The following EPHA6 variants were observed in gnomAD, a reference collection of about 807,000 sequenced individuals.
The protein encoded by EPHA6 is ephrin type-A receptor 6.
Under a neutral mutation model 112.0 loss-of-function variants are expected in EPHA6, and 50 were observed. That is an observed-to-expected ratio of 0.45 (90% confidence interval 0.36 to 0.56). EPHA6 has a LOEUF of 0.56. Ranked by LOEUF, EPHA6 falls within the 20% of genes least tolerant of loss-of-function variation. The pLI is 0.00. For missense variants in EPHA6, 1,280 were observed against 1,417.4 expected, an observed-to-expected ratio of 0.90 and a Z score of 1.56; for synonymous variants, 529 against 490.7, an observed-to-expected ratio of 1.08 and a Z score of -1.03.
chr3:96,941,445 T>C (rs1047747747), intron 2 of EPHA6, among the ~76,000 whole-genome samples: 5 of 152,234 alleles, frequency 3.3e-5, no homozygotes, highest in Non-Finnish European at 5.9e-5. Flanking sequence ...GGCTTTCAGC[T>C]CCATCAGCTC....
chr3:97,098,863 G>A (rs1216169431), intron 3 of EPHA6, among the ~76,000 whole-genome samples: 1 of 151,706 alleles, frequency 6.6e-6, no homozygotes, highest in Admixed American at 6.6e-5. Context: ...ACAAATTGGT[G>A]GGTTCTGCTG....
At chr3:96,888,118 C>T (rs2037740704) in intron 2 of EPHA6, among the ~76,000 whole-genome samples, 1 of 152,116 alleles carries the variant, frequency 6.6e-6, no homozygotes, top group African/African-American at 2.4e-5. Flanking sequence ...AAGCTTCTCA[C>T]CCCATTTAGA....
At chr3:97,090,768 G>A (rs2047039767) in intron 3 of EPHA6, among the ~76,000 whole-genome samples, 1 of 151,856 alleles carries the variant, frequency 6.6e-6, no homozygotes, top group South Asian at 2.1e-4. Context: ...TGGACTCATT[G>A]GCTGACCAAA....
At chr3:97,425,228 C>A (rs1477686861) in intron 6 of EPHA6, among the ~76,000 whole-genome samples, 1 of 152,212 alleles carries the variant, frequency 6.6e-6, no homozygotes, top group Admixed American at 6.5e-5. Flanking sequence ...CCACTGGGGA[C>A]TCTGTGTGGG....
At chr3:96,830,996 CAT>C (rs751106860) in intron 1 of EPHA6, among the ~76,000 whole-genome samples, 14 of 151,588 alleles carry the variant, frequency 9.2e-5, no homozygotes, top group Admixed American at 2.6e-4. Flanking sequence ...CACACACACA[CAT>C]ATATGCTTCA....
chr3:97,128,577 A>G (rs572652597), intron 3 of EPHA6, among the ~76,000 whole-genome samples: 147 of 152,240 alleles, frequency 9.7e-4, no homozygotes, highest in Non-Finnish European at 1.6e-3. Context: ...GGAGTGCAGT[A>G]GCATGATCTC....
chr3:97,572,519 G>A (rs2093344846), intron 11 of EPHA6, among the ~76,000 whole-genome samples: 1 of 151,980 alleles, frequency 6.6e-6, no homozygotes, highest in Non-Finnish European at 1.5e-5. Flanking sequence ...ATTTTAACAT[G>A]TTTATTGGAT....
intron 16 of EPHA6, among the ~76,000 whole-genome samples, chr3:97,742,588 CAA>C (rs2107882760): frequency 6.6e-6 from 1 of 152,120 alleles, no homozygotes; most frequent in East Asian, 1.9e-4. Context: ...AAAAGACTGA[CAA>C]AAGATAATTA....
chr3:97,188,003 A>G (rs2077201850), intron 3 of EPHA6, among the ~76,000 whole-genome samples: 2 of 152,150 alleles, frequency 1.3e-5, no homozygotes, highest in Non-Finnish European at 2.9e-5. Flanking sequence ...GATCATGCCA[A>G]AATCAGAACT....
At position 97,231,913 on chromosome 3, in the gene EPHA6, A is replaced by G. The variant is rs560854589; in HGVS notation, c.1270+5494A>G. Reference sequence around the variant, plus strand: ...TAGGGAAGGGCTTTTAAGACAATGCATTTCTTCTGGATGAAGTTCCCTTAA... The same window carrying G: ...TAGGGAAGGGCTTTTAAGACAATGCGTTTCTTCTGGATGAAGTTCCCTTAA... On this transcript the variant is annotated intron_variant, in intron 4 of 17. Coordinates refer to ENST00000389672, the MANE Select transcript of EPHA6 (RefSeq NM_001080448.3). Among the ~76,000 whole-genome samples, 3 of 152,264 alleles carry G rather than the reference A, an allele frequency of 2.0e-5. No homozygotes were observed. In the East Asian group the frequency reaches 5.8e-4, roughly 29 times the overall value.
intron 5 of EPHA6, among the ~76,000 whole-genome samples, chr3:97,323,176 T>C (rs1399800855): frequency 1.3e-5 from 2 of 151,992 alleles, no homozygotes; most frequent in African/African-American, 4.8e-5. Flanking sequence ...ATGTTTCATA[T>C]GTTTCATCTG....
At chr3:97,243,596 T>C (rs865905723) in intron 4 of EPHA6, among the ~76,000 whole-genome samples, 4 of 152,044 alleles carry the variant, frequency 2.6e-5, no homozygotes, top group Non-Finnish European at 4.4e-5. Flanking sequence ...AAAATGGTGA[T>C]ATAATTAATA....
intron 5 of EPHA6, among the ~76,000 whole-genome samples, chr3:97,317,105 C>T (rs2081878686): frequency 6.6e-6 from 1 of 151,138 alleles, no homozygotes; most frequent in Admixed American, 6.6e-5. Flanking sequence ...TTGAATAGTA[C>T]TTATTGTTGC....
intron 2 of EPHA6, among the ~76,000 whole-genome samples, chr3:96,961,500 T>C (rs1453702543): frequency 6.6e-6 from 1 of 152,222 alleles, no homozygotes; most frequent in Non-Finnish European, 1.5e-5. Context: ...GGAGGTTGGC[T>C]AAATTGAGTG....
At chr3:97,376,881 G>C (rs1440454435) in intron 5 of EPHA6, among the ~76,000 whole-genome samples, 3 of 152,138 alleles carry the variant, frequency 2.0e-5, no homozygotes, top group Admixed American at 2.0e-4. Context: ...AAATACACAG[G>C]TCATGGGAAT....
intron 13 of EPHA6, among the ~76,000 whole-genome samples, chr3:97,617,207 C>A (rs780761393): frequency 2.0e-5 from 3 of 151,988 alleles, no homozygotes; most frequent in Non-Finnish European, 4.4e-5. Flanking sequence ...AAATAAGGTC[C>A]TTTTCAGACA....
At chr3:96,831,368 G>A (rs773172909) in intron 1 of EPHA6, among the ~76,000 whole-genome samples, 2 of 151,968 alleles carry the variant, frequency 1.3e-5, no homozygotes, top group African/African-American at 4.8e-5. Context: ...CCTCCTCCAC[G>A]TGGGCTACTT....
rs2034227266 is a variant in EPHA6 at position 97,716,412 on chromosome 3, C to G, written c.2785-3849C>G. ...TGAAACCCCGTCTCTACTAAAAATA[C>G]AAAAAATTAGCCGGGCGCGGTGGCG... On this transcript the variant is annotated intron_variant, in intron 14 of 17. Coordinates refer to ENST00000389672, the MANE Select transcript of EPHA6 (RefSeq NM_001080448.3). Among the ~76,000 whole-genome samples, 2 of 139,252 alleles carry G rather than the reference C, an allele frequency of 1.4e-5. 1 individual carries two copies. Among genetic ancestry groups the G allele is most frequent in the African/African-American group, 6.4e-5 (2 of 31,178 alleles). The allele number at this position is 139,252 out of a possible 152,430, so 91.4% of individuals were successfully genotyped here. A position where few individuals can be genotyped will look rare whatever the true frequency, so the allele number is the denominator to read the frequency against.
chr3:97,005,627 G>A (rs1414949964), intron 3 of EPHA6, among the ~76,000 whole-genome samples: 1 of 151,990 alleles, frequency 6.6e-6, no homozygotes, highest in Non-Finnish European at 1.5e-5. Flanking sequence ...TTACCTGATT[G>A]CCCTGGCCAG....
Sources: gnomAD v4.1 joint callset for allele counts (sites outside exome capture counted in the v4.1 genomes callset) on GRCh38, gnomAD v4.1.1 for gene constraint, MANE v1.5 for transcripts, NCBI Gene and HGNC (gene_info 2026-07-23, HGNC 2026-07-21) for gene names.